The following ARHGAP12 variants were observed in gnomAD, a reference collection of about 807,000 sequenced individuals.
ARHGAP12 encodes the protein Rho GTPase activating protein 12.
A neutral mutation model predicts 108.6 loss-of-function variants in ARHGAP12; 64 were observed. The observed-to-expected ratio is 0.59, with a 90% CI of 0.48 to 0.73. ARHGAP12 has a LOEUF of 0.73. ARHGAP12 is among the 30% of genes least tolerant of loss of function. The pLI is 0.00. For missense variants in ARHGAP12, 940 were observed against 1,005.9 expected, an observed-to-expected ratio of 0.93 and a Z score of 0.89; for synonymous variants, 312 against 337.2, an observed-to-expected ratio of 0.93 and a Z score of 0.82.
intron 1 of ARHGAP12, among the ~76,000 whole-genome samples, chr10:31,915,675 T>C (rs900410195): frequency 7.9e-5 from 12 of 152,170 alleles, no homozygotes; most frequent in Non-Finnish European, 1.5e-4. Flanking sequence ...GTATATATAC[T>C]TCAAAAACTA....
At chr10:31,893,278 C>T (rs1436134349) in intron 3 of ARHGAP12, among the ~76,000 whole-genome samples, 3 of 151,974 alleles carry the variant, frequency 2.0e-5, no homozygotes, top group Non-Finnish European at 4.4e-5. Flanking sequence ...GACAGAGACA[C>T]AAAAAACCCT....
chr10:31,863,926 A>G (rs924765809), intron 3 of ARHGAP12, among the ~76,000 whole-genome samples: 1 of 152,186 alleles, frequency 6.6e-6, no homozygotes, highest in Non-Finnish European at 1.5e-5. Context: ...AACAAGACAG[A>G]TAAGTTCTTC....
intron 12 of ARHGAP12, among the ~76,000 whole-genome samples, chr10:31,819,922 G>A (rs895729673): frequency 2.0e-5 from 3 of 151,482 alleles, no homozygotes; most frequent in African/African-American, 7.3e-5. Context: ...ATATATTACT[G>A]GGGAGGGTTT....
chr10:31,884,336 C>T (rs1182419994), intron 3 of ARHGAP12, among the ~76,000 whole-genome samples: 2 of 149,722 alleles, frequency 1.3e-5, no homozygotes, highest in Admixed American at 6.6e-5. Context: ...AAAAAAAAAA[C>T]GGCACAGTTT....
At chr10:31,917,647 T>C (rs1296865902) in intron 1 of ARHGAP12, among the ~76,000 whole-genome samples, 1 of 152,186 alleles carries the variant, frequency 6.6e-6, no homozygotes, top group Non-Finnish European at 1.5e-5. Context: ...CAATCCCCCA[T>C]GTTTTAAAAA....
intron 16 of ARHGAP12, among the ~76,000 whole-genome samples, 167 bp downstream of exon 16, chr10:31,810,482 G>A (rs1283538901): frequency 2.0e-5 from 3 of 152,134 alleles, no homozygotes; most frequent in Non-Finnish European, 4.4e-5. Context: ...TGAAACAGGT[G>A]TAAACATGTA....
chr10:31,894,854 C>A (rs1186608520), intron 3 of ARHGAP12, among the ~76,000 whole-genome samples: 5 of 152,186 alleles, frequency 3.3e-5, no homozygotes, highest in Non-Finnish European at 5.9e-5. Context: ...AACTATACTA[C>A]AAGGCTACAG....
rs186853543 is a variant in ARHGAP12 at position 31,811,622 on chromosome 10, T to G, written c.1952-875A>C. Among the ~76,000 whole-genome samples the G allele has an allele frequency of 5.9e-5, 9 of 151,986 alleles. No homozygotes were observed. In the East Asian group the frequency reaches 1.7e-3, roughly 29 times the overall value. On this transcript the variant is annotated intron_variant, in intron 15 of 19. Coordinates refer to ENST00000344936, the MANE Select transcript of ARHGAP12 (RefSeq NM_018287.7). ...AATGCTTTATTGGAGAGTACCTAATTTGAATTAATCAGCTAGTCTCTTCCT... is the reference window on the plus strand; with the variant it reads ...AATGCTTTATTGGAGAGTACCTAATGTGAATTAATCAGCTAGTCTCTTCCT...
At chr10:31,827,993 C>G (rs1165842852) in intron 10 of ARHGAP12, among the ~76,000 whole-genome samples, 1 of 152,004 alleles carries the variant, frequency 6.6e-6, no homozygotes, top group African/African-American at 2.4e-5. Flanking sequence ...TACTAAGTTT[C>G]TATGTTTCCA....
chr10:31,864,456 C>G (rs1336519379), intron 3 of ARHGAP12, among the ~76,000 whole-genome samples: 2 of 152,112 alleles, frequency 1.3e-5, no homozygotes, highest in African/African-American at 4.8e-5. Context: ...AAACCAACTT[C>G]ATAAACATGC....
At position 31,910,536 on chromosome 10, in the gene ARHGAP12, G is replaced by C. The variant is rs148214505; in HGVS notation, c.-83C>G. 30 of 152,290 alleles carry C rather than the reference G, an allele frequency of 2.0e-4. No homozygotes were observed. In the East Asian group the frequency reaches 5.6e-3, roughly 28 times the overall value. The allele number at this position is 152,290 out of a possible 1,614,324, so 9.4% of individuals were successfully genotyped here. On this transcript the variant is annotated 5_prime_UTR_variant, in exon 2 of 20. Coordinates refer to ENST00000344936, the MANE Select transcript of ARHGAP12 (RefSeq NM_018287.7). Reference sequence around the variant, plus strand: ...AAATAAAAAATTACCTTAGAACAAGGAGATCTACACCAGTATCACATTTAA... The same window carrying C: ...AAATAAAAAATTACCTTAGAACAAGCAGATCTACACCAGTATCACATTTAA...
intron 13 of ARHGAP12, among the ~76,000 whole-genome samples, chr10:31,815,375 A>T (rs776346220): frequency 3.9e-5 from 6 of 152,210 alleles, no homozygotes; most frequent in Non-Finnish European, 5.9e-5. Context: ...TATCTGGCAC[A>T]AAGTGTCCAC....
chr10:31,896,788 T>C (rs1838718201), intron 3 of ARHGAP12, among the ~76,000 whole-genome samples: 1 of 152,186 alleles, frequency 6.6e-6, no homozygotes, highest in South Asian at 2.1e-4. Context: ...TTGGAAGTCA[T>C]CATTCTCATC....
intron 1 of ARHGAP12, among the ~76,000 whole-genome samples, chr10:31,916,139 A>T (rs546420724): frequency 2.0e-5 from 3 of 152,266 alleles, no homozygotes; most frequent in Admixed American, 2.0e-4. Context: ...TACTATACCC[A>T]TCACCACACG....
chr10:31,830,387 T>C (rs888878751), intron 10 of ARHGAP12, among the ~76,000 whole-genome samples: 19 of 151,502 alleles, frequency 1.3e-4, no homozygotes, highest in Non-Finnish European at 2.7e-4. Flanking sequence ...AAGCAGAAAA[T>C]CTAAAAGGCT....
chr10:31,839,850 TAATAAGGTAATG>T (rs902090389), intron 7 of ARHGAP12, 139 bp from the exon 8 acceptor site: 1 of 516,338 alleles, frequency 1.9e-6, no homozygotes, highest in Non-Finnish European at 3.2e-6. Context: ...AGCTCCAAGC[TAATAAGGTAATG>T]ATTTTAAAAC....
At chr10:31,874,141 G>A (rs1474664003) in intron 3 of ARHGAP12, among the ~76,000 whole-genome samples, 1 of 152,182 alleles carries the variant, frequency 6.6e-6, no homozygotes, top group African/African-American at 2.4e-5. Flanking sequence ...AACTTAGAAG[G>A]TGAGGCTTCT....
intron 3 of ARHGAP12, among the ~76,000 whole-genome samples, chr10:31,892,982 A>G (rs1256768103): frequency 1.3e-5 from 2 of 152,154 alleles, no homozygotes; most frequent in African/African-American, 4.8e-5. Context: ...AAACTGAACA[A>G]CCTGCTCCTG....
At chr10:31,911,391 T>C (rs1231716654) in intron 1 of ARHGAP12, among the ~76,000 whole-genome samples, 4 of 152,210 alleles carry the variant, frequency 2.6e-5, no homozygotes, top group African/African-American at 7.2e-5. Context: ...TTTGGGTCAC[T>C]GCAACCTCCA....
Sources: gnomAD v4.1 joint callset for allele counts (sites outside exome capture counted in the v4.1 genomes callset) on GRCh38, gnomAD v4.1.1 for gene constraint, MANE v1.5 for transcripts, NCBI Gene and HGNC (gene_info 2026-07-23, HGNC 2026-07-21) for gene names.